Variants in ZNF215 observed in about 807,000 individuals in gnomAD.
ZNF215 encodes the protein BWSCR2-associated zinc finger protein 2.
In ZNF215, 24 loss-of-function variants were observed where a neutral mutation model predicts 27.2. The observed-to-expected ratio is 0.88, with a 90% confidence interval of 0.64 to 1.24. The LOEUF is 1.24. ZNF215 is among the 50% of genes most tolerant of loss of function. The pLI is 0.00. For missense variants in ZNF215, 675 were observed against 605.7 expected (o/e 1.11, Z -1.20); for synonymous variants, 210 against 204.0 (o/e 1.03, Z -0.25).
chr11:6,987,576 G>A (rs577784587), downstream of ZNF215, among the ~76,000 whole-genome samples: 30 of 152,200 alleles, frequency 2.0e-4, no homozygotes, highest in African/African-American at 6.5e-4. Context: ...CCACACATAG[G>A]CATCTGGTAT....
intron 3 of ZNF215, among the ~76,000 whole-genome samples, chr11:6,934,795 A>G (rs144645856): frequency 1.1e-4 from 16 of 152,312 alleles, no homozygotes; most frequent in Middle Eastern, 3.4e-3. Flanking sequence ...CTCTCTTGCT[A>G]TGTATCCAAG....
chr11:6,933,630 A>G (rs1849340249), intron 3 of ZNF215, among the ~76,000 whole-genome samples: 1 of 151,934 alleles, frequency 6.6e-6, no homozygotes, highest in Non-Finnish European at 1.5e-5. Context: ...TACTAAAAAT[A>G]CAAAAAAAAA....
At chr11:6,931,362 T>G (rs921259785) in intron 2 of ZNF215, among the ~76,000 whole-genome samples, 1 of 152,186 alleles carries the variant, frequency 6.6e-6, no homozygotes, top group African/African-American at 2.4e-5. Flanking sequence ...CTCCCTGTAC[T>G]TGAGCTAAAT....
At chr11:6,974,739 T>C (rs1442896001) in intron 5 of ZNF215, among the ~76,000 whole-genome samples, 1 of 152,148 alleles carries the variant, frequency 6.6e-6, no homozygotes, top group Non-Finnish European at 1.5e-5. Context: ...TGCACATTGA[T>C]TTTGTATCCT....
chr11:6,950,094 C>G (rs1849992871), intron 6 of ZNF215, among the ~76,000 whole-genome samples: 4 of 151,778 alleles, frequency 2.6e-5, no homozygotes, highest in African/African-American at 9.7e-5. Flanking sequence ...TGATCTATAT[C>G]TCTGTTTTGG....
chr11:6,948,661 T>C (rs571548643), intron 6 of ZNF215, among the ~76,000 whole-genome samples: 1 of 152,194 alleles, frequency 6.6e-6, no homozygotes, highest in Non-Finnish European at 1.5e-5. Context: ...GAAGCTGACA[T>C]GATTTGGTCA....
intron 5 of ZNF215, among the ~76,000 whole-genome samples, chr11:6,969,717 A>G (rs1274500247): frequency 6.6e-6 from 1 of 152,206 alleles, no homozygotes. Context: ...AAAAAATTGC[A>G]AAGAGCTTTA....
downstream of ZNF215, among the ~76,000 whole-genome samples, chr11:6,985,500 C>T (rs762855134): frequency 6.6e-5 from 10 of 152,108 alleles, no homozygotes; most frequent in African/African-American, 1.4e-4. Context: ...AAGATGGCCA[C>T]GCTCACCACT....
At chr11:6,933,469 A>G (rs931421397) in intron 3 of ZNF215, among the ~76,000 whole-genome samples, 4 of 152,150 alleles carry the variant, frequency 2.6e-5, no homozygotes, top group Non-Finnish European at 4.4e-5. Context: ...GAGAAATACA[A>G]ATCCTTAGGG....
intron 5 of ZNF215, among the ~76,000 whole-genome samples, chr11:6,970,780 T>C (rs1477728246): frequency 6.6e-6 from 1 of 152,176 alleles, no homozygotes; most frequent in Non-Finnish European, 1.5e-5. Flanking sequence ...TACTACAACA[T>C]ATGCTCTGCT....
chr11:6,946,878 T>C (rs1250203922), intron 6 of ZNF215, among the ~76,000 whole-genome samples: 1 of 152,194 alleles, frequency 6.6e-6, no homozygotes, highest in Non-Finnish European at 1.5e-5. Flanking sequence ...TGGATAGATA[T>C]TAGATAAGAA....
intron 5 of ZNF215, among the ~76,000 whole-genome samples, chr11:6,964,929 T>C (rs1316355791): frequency 1.3e-5 from 2 of 152,096 alleles, no homozygotes; most frequent in Non-Finnish European, 2.9e-5. Flanking sequence ...AGAAACTCTT[T>C]TATACATTTG....
downstream of ZNF215, among the ~76,000 whole-genome samples, chr11:6,992,216 A>G (rs1851123873): frequency 2.0e-5 from 3 of 152,208 alleles, no homozygotes; most frequent in South Asian, 6.2e-4. Context: ...ACAGGAATGC[A>G]CACTGGCAAG....
downstream of ZNF215, among the ~76,000 whole-genome samples, chr11:6,991,202 G>C (rs1193835816): frequency 6.6e-6 from 1 of 152,206 alleles, no homozygotes; most frequent in Non-Finnish European, 1.5e-5. Flanking sequence ...TCATGGTAGA[G>C]TTCTGGACAA....
downstream of ZNF215, among the ~76,000 whole-genome samples, chr11:6,959,580 ATAAGG>A (rs143580502): frequency 0.01 from 1,545 of 152,354 alleles, 30 homozygotes; most frequent in African/African-American, 0.036. Context: ...ATGAATTTAG[ATAAGG>A]TAAATATAGC....
intron 5 of ZNF215, among the ~76,000 whole-genome samples, chr11:6,975,193 C>T (rs556589420): frequency 2.6e-5 from 4 of 152,148 alleles, no homozygotes; most frequent in East Asian, 1.9e-4. Context: ...TGCTGGATTA[C>T]GTTTATTGAT....
chr11:6,979,198 A>G (rs1564977340), intron 5 of ZNF215, among the ~76,000 whole-genome samples: 1 of 152,062 alleles, frequency 6.6e-6, no homozygotes. Flanking sequence ...CAACTCTATG[A>G]TACTGTACTC....
At chr11:6,993,274 G>C (rs1851138759), downstream of ZNF215, among the ~76,000 whole-genome samples, 1 of 152,122 alleles carries the variant, frequency 6.6e-6, no homozygotes, top group Non-Finnish European at 1.5e-5. Context: ...AACTCGCCTT[G>C]AATTCCTTCC....
rs549327132 is a variant in ZNF215 at position 6,927,821 on chromosome 11, T to C, written c.-180+14T>C. The C allele has an allele frequency of 1.3e-5, 2 of 152,348 alleles. No individual in the cohort carries two copies. Among genetic ancestry groups the C allele is most frequent in the Admixed American group, 1.3e-4 (2 of 15,302 alleles). 9.4% of individuals were successfully genotyped at this position (152,348 alleles called of 1,614,324 possible). A position where few individuals can be genotyped will look rare whatever the true frequency, so the allele number is the denominator to read the frequency against. On this transcript the variant is annotated intron_variant, in intron 2 of 6. Transcript: ENST00000278319. ...TAACTGTTTACAGTGAGTAATTCATTAATTTGTGTTTTTCACCTACAAACC... is the reference window on the plus strand; with the variant it reads ...TAACTGTTTACAGTGAGTAATTCATCAATTTGTGTTTTTCACCTACAAACC...
Sources: allele counts gnomAD v4.1 joint callset (sites outside exome capture counted in the v4.1 genomes callset), GRCh38; gene constraint gnomAD v4.1.1; transcripts MANE v1.5; gene names NCBI Gene and HGNC (gene_info 2026-07-23, HGNC 2026-07-21).